AQR: variants seen among roughly 807,000 people sequenced by gnomAD.
AQR encodes RNA helicase aquarius.
Under a neutral mutation model 180.5 loss-of-function variants are expected in AQR, and 61 were observed. That is an observed-to-expected ratio of 0.34 (90% confidence interval 0.28 to 0.42). AQR has a LOEUF of 0.42. AQR is among the 10% of genes least tolerant of loss of function. The probability of loss-of-function intolerance (pLI) is 1.00; values close to 1 mark genes in which losing one functional copy is unlikely to be tolerated. For synonymous variants in AQR, 551 were observed against 588.8 expected, an observed-to-expected ratio of 0.94 and a Z score of 0.93; for missense variants, 1,281 against 1,798.3, an observed-to-expected ratio of 0.71 and a Z score of 5.20.
intron 33 of AQR, among the ~76,000 whole-genome samples, chr15:34,862,429 G>A (rs1307752049): frequency 6.6e-6 from 1 of 152,028 alleles, no homozygotes; most frequent in Admixed American, 6.6e-5. Context: ...TTTGTAAAAC[G>A]GGGTTAATAA....
At chr15:34,925,993 C>A (rs1011501921) in intron 13 of AQR, among the ~76,000 whole-genome samples, 9 of 151,796 alleles carry the variant, frequency 5.9e-5, no homozygotes, top group Non-Finnish European at 1.2e-4. Context: ...CGGTGAAACC[C>A]CGTCTCTACT....
intron 3 of AQR, among the ~76,000 whole-genome samples, chr15:34,956,907 TGGCACATA>T (rs1367692551): frequency 6.6e-6 from 1 of 152,156 alleles, no homozygotes; most frequent in Non-Finnish European, 1.5e-5. Context: ...CAGCAGAATC[TGGCACATA>T]GTAAGCACTT....
chr15:34,875,036 A>G (rs1186395707), intron 28 of AQR, among the ~76,000 whole-genome samples, 172 bp from the exon 29 acceptor site: 2 of 152,122 alleles, frequency 1.3e-5, no homozygotes, highest in Non-Finnish European at 2.9e-5. Context: ...TTGTGAACCA[A>G]TTATGGACGT....
rs1892542675 is a variant in AQR, at chr15:34,853,422, C to G, written c.*3370G>C. 1 of 152,070 alleles carries G rather than the reference C, an allele frequency of 6.6e-6. No homozygotes were observed. Among genetic ancestry groups the G allele is most frequent in the African/African-American group, 2.4e-5 (1 of 41,388 alleles). The allele number at this position is 152,070 out of a possible 1,614,324, so 9.4% of individuals were successfully genotyped here. On this transcript the variant is annotated 3_prime_UTR_variant, in exon 35 of 35. Transcript: ENST00000156471. ...TCAGAACTGATAGAAGTTATCAGCTCCATATTTCAGAAAGACCTAATGTCT... is the reference window on the plus strand; with the variant it reads ...TCAGAACTGATAGAAGTTATCAGCTGCATATTTCAGAAAGACCTAATGTCT...
At chr15:34,923,433 A>G (rs1013469337) in intron 13 of AQR, among the ~76,000 whole-genome samples, 12 of 152,166 alleles carry the variant, frequency 7.9e-5, no homozygotes, top group African/African-American at 2.9e-4. Context: ...AAAGAGCAGA[A>G]GTCTCTTAGT....
chr15:34,943,212 C>A (rs897604207), intron 6 of AQR: 1 of 1,610,334 alleles, frequency 6.2e-7, no homozygotes, highest in Non-Finnish European at 8.5e-7. Flanking sequence ...TGACAGGAAG[C>A]AGAGTGGCTA....
chr15:34,929,017 C>T (rs201452018), intron 12 of AQR, among the ~76,000 whole-genome samples: 6 of 152,212 alleles, frequency 3.9e-5, no homozygotes, highest in East Asian at 3.9e-4. Context: ...TGTTCATATC[C>T]GTTGCCCACT....
chr15:34,893,250 G>C (rs1893177789), intron 23 of AQR, among the ~76,000 whole-genome samples: 1 of 152,166 alleles, frequency 6.6e-6, no homozygotes. Context: ...TGCAGCCCCT[G>C]TATCTGTGTC....
At chr15:34,878,388 A>G (rs937819892) in intron 27 of AQR, among the ~76,000 whole-genome samples, 5 of 148,702 alleles carry the variant, frequency 3.4e-5, no homozygotes, top group Non-Finnish European at 7.5e-5. Context: ...TCTGTCTCAA[A>G]AAAAAAAAAA....
At chr15:34,954,562 C>A (rs1424822104) in intron 3 of AQR, among the ~76,000 whole-genome samples, 4 of 152,146 alleles carry the variant, frequency 2.6e-5, no homozygotes, top group African/African-American at 9.7e-5. Flanking sequence ...CCACCTCAGC[C>A]TCCCAAAGTG....
At chr15:34,957,685 G>T (rs1443744035) in intron 3 of AQR, among the ~76,000 whole-genome samples, 1 of 139,802 alleles carries the variant, frequency 7.2e-6, no homozygotes, top group East Asian at 2.1e-4. Context: ...TGGGCAACAA[G>T]ATCGAAACTC....
chr15:34,920,425 T>A lies in AQR; in HGVS notation c.1128A>T (p.Thr376=), dbSNP rs200002505. The change falls in exon 14 of 35, where the codon ACA becomes ACT. Residue 376 remains threonine (T), a synonymous_variant. Transcript: ENST00000156471. ...VKFFGPLSSN[T]LHQVASYLCL... ...AGAGGTATGATGCCACCTGGTGGAG[T>A]GTGTTTGAACTGCAGAATAGAGAAC... The A allele has an allele frequency of 1.9e-5, 30 of 1,612,342 alleles. No individual in the cohort carries two copies. The South Asian group carries it at 3.2e-4, about 17-fold the overall frequency.
At chr15:34,892,486 T>C (rs889196450) in intron 23 of AQR, among the ~76,000 whole-genome samples, 2 of 152,198 alleles carry the variant, frequency 1.3e-5, no homozygotes, top group African/African-American at 4.8e-5. Context: ...TATATCCAAA[T>C]AGTCTTAGCT....
intron 9 of AQR, among the ~76,000 whole-genome samples, chr15:34,934,986 T>C (rs1893924244): frequency 6.6e-6 from 1 of 152,186 alleles, no homozygotes; most frequent in Admixed American, 6.5e-5. Flanking sequence ...CAGTTTTATA[T>C]CAGGTTTTGC....
chr15:34,930,962 G>A (rs913461227), intron 11 of AQR, among the ~76,000 whole-genome samples: 4 of 151,692 alleles, frequency 2.6e-5, no homozygotes, highest in African/African-American at 9.7e-5. Flanking sequence ...TCAGCCTCCG[G>A]AGTAGCTGGG....
chr15:34,897,494 T>C, intron 21 of AQR, 65 bp downstream of exon 21: 1 of 1,570,358 alleles, frequency 6.4e-7, no homozygotes, highest in Non-Finnish European at 8.7e-7. Flanking sequence ...TTAAAAACAT[T>C]CCTAATCCAG....
chr15:34,876,292 C>T (rs1011069008), intron 27 of AQR, among the ~76,000 whole-genome samples: 5 of 152,066 alleles, frequency 3.3e-5, no homozygotes, highest in Non-Finnish European at 7.4e-5. Flanking sequence ...AATTGCAATG[C>T]CAGTTTGGTT....
At chr15:34,945,418 AT>A (rs1894095739) in intron 5 of AQR, among the ~76,000 whole-genome samples, 1 of 152,208 alleles carries the variant, frequency 6.6e-6, no homozygotes, top group Non-Finnish European at 1.5e-5. Flanking sequence ...ACTTCAACTG[AT>A]TATCAAATTC....
At chr15:34,918,570 G>A (rs560812853) in intron 14 of AQR, among the ~76,000 whole-genome samples, 192 bp from the exon 15 acceptor site, 2 of 152,172 alleles carry the variant, frequency 1.3e-5, no homozygotes, top group Non-Finnish European at 2.9e-5. Context: ...GAATCAGACA[G>A]ACCTGAGTTC....
Sources: allele counts gnomAD v4.1 joint callset (sites outside exome capture counted in the v4.1 genomes callset), GRCh38; gene constraint gnomAD v4.1.1; transcripts MANE v1.5; gene names NCBI Gene and HGNC (gene_info 2026-07-23, HGNC 2026-07-21).